The following MYL4 variants were observed in gnomAD, a reference collection of about 807,000 sequenced individuals.
The protein encoded by MYL4 is myosin light chain 4.
MYL4 carries 16 observed loss-of-function variants against 21.6 expected under a neutral mutation model. The ratio of observed to expected loss-of-function variants is 0.74; its 90% CI spans 0.50 to 1.12. MYL4 has a LOEUF of 1.12. Among genes scored for constraint, MYL4 ranks in the 50% most tolerant of loss-of-function variants. The pLI is 0.00. For missense variants in MYL4, 249 were observed against 252.9 expected (o/e 0.98, Z 0.11); for synonymous variants, 82 against 95.7 (o/e 0.86, Z 0.83).
chr17:47,213,960 G>A, intron 2 of MYL4, 134 bp downstream of exon 2: 1 of 1,056,194 alleles, frequency 9.5e-7, no homozygotes, highest in Non-Finnish European at 1.5e-6. Context: ...AACCTATATT[G>A]AGCATCTACC....
upstream of MYL4, among the ~76,000 whole-genome samples, chr17:47,197,381 A>C (rs144634784): frequency 1.6e-4 from 25 of 152,296 alleles, 1 homozygote; most frequent in East Asian, 4.8e-3. Context: ...TACAGGCATG[A>C]GCCACCGCAC....
chr17:47,209,477 C>A lies in MYL4; in HGVS notation c.55C>A (p.Pro19Thr). ...KKEAAKPAPA[P>T]APAPAPAPAP... ...GGAGGCAGCCAAGCCAGCTCCAGCT[C>A]CAGCTCCAGCCCCTGCACCAGCCCC... Residue 19 changes from proline to threonine, a missense_variant, in exon 1 of 7, where the codon CCA (proline) becomes ACA (threonine). Transcript: ENST00000393450. 6.2e-7 allele frequency: 1 copy of A among 1,614,238 alleles called. No individual in the cohort carries two copies. Among genetic ancestry groups the A allele is most frequent in the Non-Finnish European group, 8.5e-7 (1 of 1,180,046 alleles).
At position 47,221,672 on chromosome 17, in the gene MYL4, C is replaced by G; in HGVS notation, c.314-10C>G. ...ATTGATTTCTCTTTCTTTACCCTGC[C>G]TGCCTGAAGAGATGAATGTCAAGAT... is the stretch of plus-strand genomic sequence containing the variant. On this transcript the variant is annotated splice_polypyrimidine_tract_variant and intron_variant, in intron 3 of 6. Transcript: ENST00000393450. 6.2e-7 allele frequency: 1 copy of G among 1,609,134 alleles called. No homozygotes were observed. The highest frequency in any genetic ancestry group is 8.5e-7 in the Non-Finnish European group (1 of 1,176,784).
upstream of MYL4, among the ~76,000 whole-genome samples, chr17:47,206,001 A>G (rs990759360): frequency 2.0e-5 from 3 of 152,142 alleles, no homozygotes; most frequent in Admixed American, 2.0e-4. Context: ...TGCTTGGCAA[A>G]GGAAAGTGAA....
At chr17:47,192,252 G>A in the MYL4 span, among the ~76,000 whole-genome samples, 1 of 152,096 alleles carries the variant, frequency 6.6e-6, no homozygotes. Context: ...TACTTGGGAG[G>A]CTGAGGCAGG....
the MYL4 span, among the ~76,000 whole-genome samples, chr17:47,192,768 A>T: frequency 1.3e-5 from 2 of 152,016 alleles, no homozygotes; most frequent in Non-Finnish European, 2.9e-5. Context: ...GGTATTTTGG[A>T]GTGTTTTTAC....
At chr17:47,197,006 C>T (rs573107839), upstream of MYL4, among the ~76,000 whole-genome samples, 3 of 151,072 alleles carry the variant, frequency 2.0e-5, no homozygotes, top group East Asian at 3.9e-4. Flanking sequence ...AATTTCATCT[C>T]ACTGATCTAA....
At chr17:47,211,837 A>G (rs1027625472) in intron 1 of MYL4, among the ~76,000 whole-genome samples, 1 of 142,028 alleles carries the variant, frequency 7.0e-6, no homozygotes, top group African/African-American at 2.5e-5. Context: ...AGGCTCCAGG[A>G]TTGGAACCAC....
At chr17:47,221,016 C>T (rs1039970322) in intron 3 of MYL4, among the ~76,000 whole-genome samples, 4 of 152,132 alleles carry the variant, frequency 2.6e-5, no homozygotes, top group African/African-American at 9.7e-5. Context: ...TAGGGGCTTG[C>T]ATCTCAGAAG....
upstream of MYL4, chr17:47,200,369 G>C (rs1266075739): frequency 6.6e-6 from 1 of 152,088 alleles, no homozygotes; most frequent in Non-Finnish European, 1.5e-5. Flanking sequence ...TTCTACTGAT[G>C]TCTCCTTGCT....
rs765876288 is a variant in MYL4, at chr17:47,209,479, A to G, written c.57A>G (p.Pro19=). ...KKEAAKPAPA[P]APAPAPAPAP... ...AGGCAGCCAAGCCAGCTCCAGCTCC[A>G]GCTCCAGCCCCTGCACCAGCCCCTG... Residue 19 remains proline, a synonymous_variant, in exon 1 of 7, where the codon CCA becomes CCG. Coordinates refer to ENST00000393450, the MANE Select transcript of MYL4 (RefSeq NM_002476.2). 40 of 1,614,094 alleles carry G rather than the reference A, an allele frequency of 2.5e-5. No homozygotes were observed. The highest frequency in any genetic ancestry group is 3.1e-5 in the Non-Finnish European group (36 of 1,180,044).
At chr17:47,221,590 G>A (rs1397323047) in intron 3 of MYL4, 92 bp from the exon 4 acceptor site, 1 of 1,448,324 alleles carries the variant, frequency 6.9e-7, no homozygotes, top group African/African-American at 1.4e-5. Flanking sequence ...CCTGGGTGCT[G>A]TCAGACTTGG....
At chr17:47,209,269 A>G (rs1199880892), upstream of MYL4, 3 of 907,106 alleles carry the variant, frequency 3.3e-6, no homozygotes, top group African/African-American at 3.3e-5. Context: ...AGTCAGCAGC[A>G]GTTGCTCTTG....
chr17:47,211,612 C>A (rs2064776199), intron 1 of MYL4, among the ~76,000 whole-genome samples: 1 of 152,168 alleles, frequency 6.6e-6, no homozygotes, highest in African/African-American at 2.4e-5. Flanking sequence ...GTTCCTTTAA[C>A]TTTCTGACCA....
chr17:47,203,315 G>T (rs1257489855), intron 1 of MYL4, among the ~76,000 whole-genome samples: 1 of 151,820 alleles, frequency 6.6e-6, no homozygotes, highest in African/African-American at 2.4e-5. Context: ...ATATCTCTTA[G>T]CTTTTCTTTT....
intron 2 of MYL4, among the ~76,000 whole-genome samples, chr17:47,219,423 C>T (rs1419465639): frequency 2.0e-5 from 3 of 152,108 alleles, no homozygotes; most frequent in Admixed American, 2.0e-4. Context: ...GCTGTTTTCA[C>T]TTGTCTGTCA....
chr17:47,225,323 C>G (rs1384902345), downstream of MYL4, among the ~76,000 whole-genome samples: 1 of 152,228 alleles, frequency 6.6e-6, no homozygotes, highest in East Asian at 1.9e-4. Flanking sequence ...GGTTGAAACA[C>G]AAAACCAGGG....
chr17:47,223,210 A>G (rs958119965), intron 6 of MYL4, 153 bp downstream of exon 6: 3 of 711,804 alleles, frequency 4.2e-6, no homozygotes, highest in African/African-American at 1.8e-5. Flanking sequence ...CTCACTCACC[A>G]TCTCCTGTCT....
At chr17:47,201,513 A>G (rs561645443) in intron 1 of MYL4, among the ~76,000 whole-genome samples, 37 of 151,422 alleles carry the variant, frequency 2.4e-4, no homozygotes, top group African/African-American at 9.0e-4. Flanking sequence ...CTGCAGTGCA[A>G]TGGCACGATC....
Sources: allele counts gnomAD v4.1 joint callset (sites outside exome capture counted in the v4.1 genomes callset), GRCh38; gene constraint gnomAD v4.1.1; transcripts MANE v1.5; gene names NCBI Gene and HGNC (gene_info 2026-07-23, HGNC 2026-07-21).